The following GSTCD variants were observed in gnomAD, a reference collection of about 807,000 sequenced individuals.
The protein encoded by GSTCD is glutathione S-transferase C-terminal domain-containing protein.
A neutral mutation model predicts 68.3 loss-of-function variants in GSTCD; 44 were observed. That is an observed-to-expected ratio of 0.64 (90% CI 0.51 to 0.83). GSTCD has a LOEUF of 0.83. GSTCD is among the 40% of genes least tolerant of loss of function. GSTCD has a pLI of 0.00. For synonymous variants in GSTCD, 273 were observed against 255.2 expected (o/e 1.07, Z -0.67); for missense variants, 739 against 735.9 (o/e 1.00, Z -0.05).
At chr4:105,832,019 T>C (rs2149282079) in intron 8 of GSTCD, among the ~76,000 whole-genome samples, 1 of 152,348 alleles carries the variant, frequency 6.6e-6, no homozygotes, top group South Asian at 2.1e-4. Context: ...ATTTTTAGCT[T>C]AGTTAGGAAT....
intron 5 of GSTCD, among the ~76,000 whole-genome samples, chr4:105,730,015 A>G (rs1455167969): frequency 6.6e-6 from 1 of 151,948 alleles, no homozygotes; most frequent in Non-Finnish European, 1.5e-5. Flanking sequence ...TCCTTGCGAT[A>G]CTTTACTGAG....
At chr4:105,828,245 T>C (rs1723741798) in intron 8 of GSTCD, among the ~76,000 whole-genome samples, 1 of 152,230 alleles carries the variant, frequency 6.6e-6, no homozygotes, top group South Asian at 2.1e-4. Flanking sequence ...TTTTTAATTA[T>C]TGTTTATCAC....
At chr4:105,753,390 T>A (rs1014298527) in intron 5 of GSTCD, 8 of 152,060 alleles carry the variant, frequency 5.3e-5, no homozygotes, top group Non-Finnish European at 1.2e-4. Context: ...ATGGAAAACA[T>A]TCACAGAGTT....
chr4:105,724,131 C>A (rs1578410753), intron 3 of GSTCD, among the ~76,000 whole-genome samples: 1 of 151,654 alleles, frequency 6.6e-6, no homozygotes, highest in Non-Finnish European at 1.5e-5. Flanking sequence ...TGTGACTTGA[C>A]CTTTTTATTT....
At chr4:105,749,969 C>G (rs1733950964) in intron 5 of GSTCD, among the ~76,000 whole-genome samples, 1 of 152,164 alleles carries the variant, frequency 6.6e-6, no homozygotes, top group African/African-American at 2.4e-5. Flanking sequence ...GTTCTCAAAT[C>G]TCAACAGTTA....
Position 105,845,701 on chromosome 4 carries a change from A to G in GSTCD, c.*124A>G. ...CATCTTGAACCTATTGTGCTCAGGA[A>G]GGAAAGCAACAGGGAAATCTTGGAA... On this transcript the variant is annotated 3_prime_UTR_variant, in exon 12 of 12. Transcript: ENST00000515279. 4 of 978,620 alleles carry G rather than the reference A, an allele frequency of 4.1e-6. No homozygotes were observed. The South Asian group carries it at 4.7e-5, about 11-fold the overall frequency. 60.6% of individuals were successfully genotyped at this position (978,620 alleles called of 1,614,324 possible). A position where few individuals can be genotyped will look rare whatever the true frequency, so the allele number is the denominator to read the frequency against.
intron 5 of GSTCD, among the ~76,000 whole-genome samples, chr4:105,796,214 C>T (rs556408389): frequency 6.6e-6 from 1 of 152,054 alleles, no homozygotes; most frequent in Non-Finnish European, 1.5e-5. Flanking sequence ...AGAGAGAGAG[C>T]GAGCTTGTGC....
intron 5 of GSTCD, among the ~76,000 whole-genome samples, chr4:105,766,715 C>G (rs1368601334): frequency 2.6e-5 from 4 of 151,844 alleles, no homozygotes; most frequent in Admixed American, 2.0e-4. Flanking sequence ...CTTAATTTAT[C>G]TGTTTCCTTC....
At chr4:105,840,885 C>A (rs1440138373) in intron 10 of GSTCD, among the ~76,000 whole-genome samples, 1 of 152,180 alleles carries the variant, frequency 6.6e-6, no homozygotes, top group Non-Finnish European at 1.5e-5. Context: ...AATCAAGCTT[C>A]TTTCCTCTAA....
intron 5 of GSTCD, among the ~76,000 whole-genome samples, chr4:105,812,305 G>C: frequency 6.6e-6 from 1 of 152,156 alleles, no homozygotes; most frequent in Non-Finnish European, 1.5e-5. Context: ...TTATTTGGTC[G>C]GTTGGTTTTG....
At chr4:105,744,914 A>G (rs993880257) in intron 5 of GSTCD, among the ~76,000 whole-genome samples, 1 of 152,202 alleles carries the variant, frequency 6.6e-6, no homozygotes, top group African/African-American at 2.4e-5. Context: ...GCATGCATTC[A>G]TGTACACATA....
intron 8 of GSTCD, among the ~76,000 whole-genome samples, chr4:105,832,356 G>C (rs1216747157): frequency 2.0e-5 from 3 of 151,776 alleles, no homozygotes; most frequent in Middle Eastern, 3.4e-3. Context: ...AAACCTTTTC[G>C]ACCAAAAACC....
At position 105,846,224 on chromosome 4, in the gene GSTCD, G is replaced by C. The variant is rs1387845766; in HGVS notation, c.*647G>C. ...ATTTGAGCCCAGGATATCGAGACCAGCCTGCACTACAAAAAAATCCAAAAA... is the reference window on the plus strand; with the variant it reads ...ATTTGAGCCCAGGATATCGAGACCACCCTGCACTACAAAAAAATCCAAAAA... On this transcript the variant is annotated 3_prime_UTR_variant, in exon 12 of 12. Coordinates refer to ENST00000515279, the MANE Select transcript of GSTCD (RefSeq NM_001370181.1). 6.6e-6 allele frequency: 1 copy of C among 151,934 alleles called. No homozygotes were observed. The highest frequency in any genetic ancestry group is 1.5e-5 in the Non-Finnish European group (1 of 68,000). The allele number at this position is 151,934 out of a possible 1,614,324, so 9.4% of individuals were successfully genotyped here.
At chr4:105,716,026 C>CTG in intron 1 of GSTCD, among the ~76,000 whole-genome samples, 1 of 152,256 alleles carries the variant, frequency 6.6e-6, no homozygotes. Context: ...GACCTCAAGA[C>CTG]TGTGTGTGTT....
intron 5 of GSTCD, among the ~76,000 whole-genome samples, chr4:105,789,195 G>A (rs1224558328): frequency 2.0e-5 from 3 of 152,144 alleles, no homozygotes; most frequent in Non-Finnish European, 4.4e-5. Flanking sequence ...TCAAAAGCTC[G>A]TTTAAACCAA....
chr4:105,743,901 C>T (rs376377769), intron 5 of GSTCD, among the ~76,000 whole-genome samples: 1 of 151,950 alleles, frequency 6.6e-6, no homozygotes, highest in Non-Finnish European at 1.5e-5. Context: ...ACCTCGTGAT[C>T]GCCCGCCTTG....
intron 5 of GSTCD, among the ~76,000 whole-genome samples, chr4:105,746,856 A>G (rs886930977): frequency 6.6e-6 from 1 of 152,210 alleles, no homozygotes; most frequent in African/African-American, 2.4e-5. Flanking sequence ...CAAGGTAGTG[A>G]TGTATAACTA....
chr4:105,827,899 TTAAATTTTA>T (rs1288916037), intron 8 of GSTCD, among the ~76,000 whole-genome samples: 2 of 152,136 alleles, frequency 1.3e-5, no homozygotes, highest in Non-Finnish European at 2.9e-5. Flanking sequence ...TTTTAAATTA[TTAAATTTTA>T]TAATATGTGT....
intron 5 of GSTCD, among the ~76,000 whole-genome samples, chr4:105,749,714 A>C (rs897906025): frequency 6.6e-6 from 1 of 152,128 alleles, no homozygotes; most frequent in Non-Finnish European, 1.5e-5. Context: ...AAACTTTAGA[A>C]GAAAATATAC....
Sources: allele counts gnomAD v4.1 joint callset (sites outside exome capture counted in the v4.1 genomes callset), GRCh38; gene constraint gnomAD v4.1.1; transcripts MANE v1.5; gene names NCBI Gene and HGNC (gene_info 2026-07-23, HGNC 2026-07-21).